KCNJ6: variants seen among roughly 807,000 people sequenced by gnomAD.
The protein encoded by KCNJ6 is G protein-activated inward rectifier potassium channel 2.
KCNJ6 carries 9 observed loss-of-function variants against 34.2 expected under a neutral mutation model. That is an observed-to-expected ratio of 0.26 (90% confidence interval 0.16 to 0.46). The LOEUF (loss-of-function observed/expected upper bound fraction) is 0.46, where lower values mean the gene tolerates loss of function less well. KCNJ6 is among the 20% of genes least tolerant of loss of function. The pLI is 1.00. For missense variants in KCNJ6, 236 were observed against 531.3 expected (o/e 0.44, Z 5.46); for synonymous variants, 196 against 207.1 (o/e 0.95, Z 0.46).
At chr21:37,911,325 A>G (rs935802022) in intron 1 of KCNJ6, among the ~76,000 whole-genome samples, 2 of 152,132 alleles carry the variant, frequency 1.3e-5, no homozygotes, top group African/African-American at 4.8e-5. Flanking sequence ...AACTAACTCA[A>G]CAAAAGTGTT....
chr21:37,773,266 C>A (rs983474133), intron 2 of KCNJ6, among the ~76,000 whole-genome samples: 5 of 152,188 alleles, frequency 3.3e-5, no homozygotes, highest in African/African-American at 1.2e-4. Context: ...GCTCTCTGGA[C>A]ATTTCTGTAG....
intron 3 of KCNJ6, among the ~76,000 whole-genome samples, chr21:37,713,342 A>G (rs531244679): frequency 6.6e-6 from 1 of 152,242 alleles, no homozygotes; most frequent in South Asian, 2.1e-4. Flanking sequence ...AAAGAACAAT[A>G]AAGACCTTAA....
intron 3 of KCNJ6, among the ~76,000 whole-genome samples, chr21:37,702,231 T>TCA (rs2054694993): frequency 2.9e-4 from 4 of 13,902 alleles, no homozygotes; most frequent in African/African-American, 8.8e-4. Flanking sequence ...AGATTTTGTC[T>TCA]CACAAAAAAA....
At chr21:37,872,113 A>T (rs2055655326) in intron 1 of KCNJ6, among the ~76,000 whole-genome samples, 1 of 152,176 alleles carries the variant, frequency 6.6e-6, no homozygotes, top group Non-Finnish European at 1.5e-5. Flanking sequence ...CGGATGTCCT[A>T]AGAGCTACTC....
At chr21:37,883,250 T>G (rs1219504657) in intron 1 of KCNJ6, among the ~76,000 whole-genome samples, 1 of 152,208 alleles carries the variant, frequency 6.6e-6, no homozygotes, top group Non-Finnish European at 1.5e-5. Context: ...GGGCCAGCTA[T>G]TAAGTATTTT....
At chr21:37,874,443 G>C (rs963248656) in intron 1 of KCNJ6, among the ~76,000 whole-genome samples, 1 of 152,160 alleles carries the variant, frequency 6.6e-6, no homozygotes, top group African/African-American at 2.4e-5. Flanking sequence ...CAGACTGACA[G>C]CTTGACTTCT....
intron 2 of KCNJ6, among the ~76,000 whole-genome samples, chr21:37,717,717 C>T (rs1022483422): frequency 1.2e-4 from 18 of 152,234 alleles, no homozygotes; most frequent in African/African-American, 3.1e-4. Context: ...GTGTATATCC[C>T]GTCTTGACCG....
chr21:37,763,640 T>C (rs1378109683), intron 2 of KCNJ6, among the ~76,000 whole-genome samples: 1 of 152,208 alleles, frequency 6.6e-6, no homozygotes, highest in African/African-American at 2.4e-5. Flanking sequence ...CAGGAAGTGT[T>C]TGAGCCATGT....
At chr21:37,902,344 A>C (rs1418872524) in intron 1 of KCNJ6, among the ~76,000 whole-genome samples, 1 of 152,184 alleles carries the variant, frequency 6.6e-6, no homozygotes, top group African/African-American at 2.4e-5. Context: ...AGTACAAGTT[A>C]CTAAGAAAAG....
In KCNJ6 at chr21:37,608,214, T is replaced by C. The variant is rs910381258; in HGVS notation, c.*16945A>G. On this transcript the variant is annotated 3_prime_UTR_variant, in exon 4 of 4. Transcript: ENST00000609713. ...ATGCATATTTTATCAAATCCTATGA[T>C]CCTAGGCTGGTCTAGGTACCATCCC... 1.3e-5 allele frequency: 2 copies of C among 152,244 alleles called. No individual in the cohort carries two copies. The highest frequency in any genetic ancestry group is 2.9e-5 in the Non-Finnish European group (2 of 68,060). 9.4% of individuals were successfully genotyped at this position (152,244 alleles called of 1,614,324 possible). A position where few individuals can be genotyped will look rare whatever the true frequency, so the allele number is the denominator to read the frequency against.
At chr21:37,825,517 A>G (rs1428140434) in intron 2 of KCNJ6, among the ~76,000 whole-genome samples, 1 of 152,158 alleles carries the variant, frequency 6.6e-6, no homozygotes, top group Non-Finnish European at 1.5e-5. Context: ...ATCCAACCCC[A>G]TCTGTCATTC....
chr21:37,713,431 G>A (rs2054773242), intron 3 of KCNJ6, among the ~76,000 whole-genome samples: 1 of 152,126 alleles, frequency 6.6e-6, no homozygotes, highest in Non-Finnish European at 1.5e-5. Context: ...TCTGTTTTGG[G>A]GGATGTTACA....
At chr21:37,707,822 G>T (rs980876694) in intron 3 of KCNJ6, among the ~76,000 whole-genome samples, 1 of 137,664 alleles carries the variant, frequency 7.3e-6, no homozygotes, top group African/African-American at 2.8e-5. Flanking sequence ...CCTGCTGTCC[G>T]CACTTGTATT....
At chr21:37,649,132 C>CAAAAAAAAAAAAAAAAA (rs1169306298) in intron 3 of KCNJ6, among the ~76,000 whole-genome samples, 5 of 39,988 alleles carry the variant, frequency 1.3e-4, no homozygotes, top group African/African-American at 3.4e-4. Context: ...GACTCCATCT[C>CAAAAAAAAAAAAAAAAA]AAAAAAAAAA....
At chr21:37,836,423 T>G (rs1432400784) in intron 2 of KCNJ6, among the ~76,000 whole-genome samples, 3 of 152,140 alleles carry the variant, frequency 2.0e-5, no homozygotes, top group African/African-American at 7.2e-5. Flanking sequence ...CATTCTACTA[T>G]AAAGCCACAT....
At chr21:37,804,360 A>G (rs929392076) in intron 2 of KCNJ6, among the ~76,000 whole-genome samples, 1 of 152,232 alleles carries the variant, frequency 6.6e-6, no homozygotes, top group Non-Finnish European at 1.5e-5. Context: ...TTAAAAACCT[A>G]TGTCCACACA....
At chr21:37,641,586 G>A (rs183597213) in intron 3 of KCNJ6, among the ~76,000 whole-genome samples, 1 of 152,210 alleles carries the variant, frequency 6.6e-6, no homozygotes, top group East Asian at 1.9e-4. Flanking sequence ...ATAAGGCAAC[G>A]TGTGGGGTAA....
At chr21:37,829,182 G>A (rs1319918291) in intron 2 of KCNJ6, among the ~76,000 whole-genome samples, 2 of 151,904 alleles carry the variant, frequency 1.3e-5, no homozygotes, top group Non-Finnish European at 2.9e-5. Context: ...GGAGGTGGTG[G>A]GAGGGAGGAG....
intron 2 of KCNJ6, among the ~76,000 whole-genome samples, chr21:37,730,262 G>T (rs1384944168): frequency 6.6e-6 from 1 of 152,334 alleles, no homozygotes; most frequent in Non-Finnish European, 1.5e-5. Context: ...CCACCTTGCT[G>T]GGTTGCTGGG....
Sources: allele counts gnomAD v4.1 joint callset (sites outside exome capture counted in the v4.1 genomes callset), GRCh38; gene constraint gnomAD v4.1.1; transcripts MANE v1.5; gene names NCBI Gene and HGNC (gene_info 2026-07-23, HGNC 2026-07-21).